The following APOO variants were observed in gnomAD, a reference collection of about 807,000 sequenced individuals.
APOO encodes MICOS complex subunit MIC26.
In APOO, 11 loss-of-function variants were observed where a neutral mutation model predicts 23.1. The observed-to-expected ratio is 0.48, with a 90% confidence interval of 0.30 to 0.79. The LOEUF (loss-of-function observed/expected upper bound fraction) is 0.79. APOO is among the 30% of genes least tolerant of loss of function. The probability of loss-of-function intolerance (pLI) is 0.07; values close to 1 mark genes in which losing one functional copy is unlikely to be tolerated. For synonymous variants in APOO, 59 were observed against 54.8 expected (o/e 1.08, Z -0.34); for missense variants, 160 against 142.7 (o/e 1.12, Z -0.62).
chrX:23,897,886 C>G (rs1027325145), intron 1 of APOO, among the ~76,000 whole-genome samples: 2 of 107,017 alleles, frequency 1.9e-5, no homozygotes, highest in African/African-American at 6.8e-5. Context: ...TCCCAGCTAC[C>G]CAGGAGGGTG....
At chrX:23,851,963 G>A (rs1176519055) in intron 7 of APOO, among the ~76,000 whole-genome samples, 1 of 111,577 alleles carries the variant, frequency 9.0e-6, no homozygotes, top group African/African-American at 3.3e-5. Flanking sequence ...TCGCTCTTTC[G>A]CCCAGGCTGG....
Position 23,841,486 on chromosome X carries a change from T to TAAA in APOO, c.562-1112_562-1110dup, listed in dbSNP as rs543879334. Among the ~76,000 whole-genome samples, 24 of 65,072 alleles carry TAAA rather than the reference T, an allele frequency of 3.7e-4. No individual in the cohort carries two copies. In the South Asian group the frequency reaches 0.011, roughly 30 times the overall value. The allele number at this position is 65,072 out of a possible 115,157, so 56.5% of individuals were successfully genotyped here. On this transcript the variant is annotated intron_variant, in intron 7 of 8. Coordinates refer to ENST00000379226, the MANE Select transcript of APOO (RefSeq NM_024122.5). ...CTTGGGCAACATAGAAAAAGAAGTT[T>TAAA]AAAAAAAAAAAAAAAAAAAAAAAGA...
At chrX:23,874,540 T>C (rs1265263529) in intron 3 of APOO, 83 bp from the exon 4 acceptor site, 8 of 812,667 alleles carry the variant, frequency 9.8e-6, no homozygotes, top group Non-Finnish European at 1.5e-5. Flanking sequence ...TACTTGTTTT[T>C]ACTGAATAAA....
intron 1 of APOO, among the ~76,000 whole-genome samples, chrX:23,887,229 CTTTTTTT>C (rs765596270): frequency 2.6e-4 from 14 of 54,229 alleles, no homozygotes; most frequent in South Asian, 3.9e-3. Flanking sequence ...TTCTTTTTCC[CTTTTTTT>C]TTTTTTTTTT....
In APOO at chrX:23,852,613, C is replaced by CA. The variant is rs63343560; in HGVS notation, c.561+3688dup. 4.6e-3 allele frequency among the ~76,000 whole-genome samples: 415 copies of CA among 90,594 alleles called. 2 individuals are homozygous for CA. Among genetic ancestry groups the CA allele is most frequent in the Non-Finnish European group, 7.4e-3 (329 of 44,479 alleles). 78.7% of individuals were successfully genotyped at this position (90,594 alleles called of 115,157 possible). ...TGGGCCACAGAGCGAGACTCTGTCT[C>CA]AAAAAAAAAAAAAATATGAATTAGA... On this transcript the variant is annotated intron_variant, in intron 7 of 8. Transcript: ENST00000379226.
At chrX:23,882,037 T>C (rs1327895241) in intron 1 of APOO, among the ~76,000 whole-genome samples, 1 of 109,347 alleles carries the variant, frequency 9.1e-6, no homozygotes, top group Non-Finnish European at 1.9e-5. Flanking sequence ...TCTCCTTAGG[T>C]TGTATCCTGG....
chrX:23,847,820 T>TATAC (rs1555956135), intron 7 of APOO, among the ~76,000 whole-genome samples: 153 of 102,285 alleles, frequency 1.5e-3, no homozygotes, highest in African/African-American at 5.2e-3. Context: ...TATATATATA[T>TATAC]ACACACACAC....
At chrX:23,862,640 G>A (rs1232148019) in intron 5 of APOO, among the ~76,000 whole-genome samples, 1 of 104,613 alleles carries the variant, frequency 9.6e-6, no homozygotes, top group Non-Finnish European at 2.0e-5. Flanking sequence ...AGGTGTGGTG[G>A]TGCATGCCTA....
chrX:23,856,215 T>C, intron 7 of APOO, 87 bp downstream of exon 7: 4 of 936,322 alleles, frequency 4.3e-6, no homozygotes, highest in Non-Finnish European at 6.0e-6. Context: ...AAGCAATAAA[T>C]CAACAGGGTT....
At position 23,862,776 on chromosome X, in the gene APOO, AAAGAAAAGAG is replaced by A. The variant is rs763808369; in HGVS notation, c.389-4053_389-4044del. On this transcript the variant is annotated intron_variant, in intron 5 of 8. Transcript: ENST00000379226. ...GTGACAGAGTGAGATCATCTCTCAGAAAGAAAAGAGAAGAGAAGAGAAGAGAAAGGGACGG... is the reference window on the plus strand; with the variant it reads ...GTGACAGAGTGAGATCATCTCTCAGAAAGAGAAGAGAAGAGAAAGGGACGG... Among the ~76,000 whole-genome samples the A allele has an allele frequency of 1.9e-3, 184 of 96,980 alleles. 2 individuals are homozygous for A. The highest frequency in any genetic ancestry group is 3.1e-3 in the Non-Finnish European group (152 of 48,665). 84.2% of individuals were successfully genotyped at this position (96,980 alleles called of 115,157 possible).
intron 1 of APOO, among the ~76,000 whole-genome samples, chrX:23,906,766 TC>T (rs748695076): frequency 2.7e-5 from 3 of 111,885 alleles, no homozygotes; most frequent in African/African-American, 6.5e-5. Flanking sequence ...TACCCCAACT[TC>T]ACCAAAGGAA....
At chrX:23,843,544 T>C in intron 7 of APOO, among the ~76,000 whole-genome samples, 1 of 110,502 alleles carries the variant, frequency 9.0e-6, no homozygotes, top group Admixed American at 9.8e-5. Context: ...CAGTTTTTAT[T>C]TTCTTACCAC....
At chrX:23,900,545 C>A (rs1423091079) in intron 1 of APOO, among the ~76,000 whole-genome samples, 2 of 109,640 alleles carry the variant, frequency 1.8e-5, no homozygotes, top group Non-Finnish European at 3.8e-5. Flanking sequence ...CGTGCTGGTG[C>A]ATGCCTGTAG....
In APOO at chrX:23,840,328, G is replaced by A. The variant is rs763001075; in HGVS notation, c.*14C>T. ...TGTTTTTTACCTGATTAAGATGGCAGAGCATGGAGTTTTCTACTTAGTTCC... is the reference window on the plus strand; with the variant it reads ...TGTTTTTTACCTGATTAAGATGGCAAAGCATGGAGTTTTCTACTTAGTTCC... On this transcript the variant is annotated 3_prime_UTR_variant, in exon 8 of 9. Transcript: ENST00000379226. The A allele has an allele frequency of 1.7e-6, 2 of 1,187,615 alleles. No individual in the cohort carries two copies. The highest frequency in any genetic ancestry group is 3.9e-5 in the South Asian group (2 of 51,658).
chrX:23,866,804 TA>T (rs1235752281), intron 5 of APOO, among the ~76,000 whole-genome samples: 6 of 90,270 alleles, frequency 6.6e-5, no homozygotes, highest in Non-Finnish European at 8.8e-5. Context: ...AGAAATCAAT[TA>T]AAAAAAAAAT....
intron 1 of APOO, among the ~76,000 whole-genome samples, chrX:23,893,214 G>A (rs1336740656): frequency 9.4e-6 from 1 of 106,004 alleles, no homozygotes; most frequent in Non-Finnish European, 1.9e-5. Flanking sequence ...TCAGGAGATC[G>A]AGACCATCTT....
At chrX:23,892,980 TA>T (rs1292388269) in intron 1 of APOO, among the ~76,000 whole-genome samples, 2 of 109,427 alleles carry the variant, frequency 1.8e-5, no homozygotes, top group Non-Finnish European at 3.8e-5. Context: ...CTTTTGAGAT[TA>T]TTCTTATTCT....
chrX:23,843,317 AAT>A (rs1569226299), intron 7 of APOO, among the ~76,000 whole-genome samples: 1 of 111,288 alleles, frequency 9.0e-6, no homozygotes, highest in Non-Finnish European at 1.9e-5. Flanking sequence ...AGCACAGTCC[AAT>A]ATCTCATTAA....
In APOO at chrX:23,867,144, G is replaced by T. The variant is rs111346804; in HGVS notation, c.388+1449C>A. On this transcript the variant is annotated intron_variant, in intron 5 of 8. Transcript: ENST00000379226. ...GAAACGAAACGAAACGAAACGAAAC[G>T]AAACTAAACTAAACTAAAGTAAAAG... is the stretch of plus-strand genomic sequence containing the variant. 5.9e-3 allele frequency among the ~76,000 whole-genome samples: 442 copies of T among 75,105 alleles called. 5 individuals are homozygous for T. The highest frequency in any genetic ancestry group is 0.019 in the African/African-American group (284 of 15,027). The allele number at this position is 75,105 out of a possible 115,157, so 65.2% of individuals were successfully genotyped here.
Sources: gnomAD v4.1 joint callset for allele counts (sites outside exome capture counted in the v4.1 genomes callset) on GRCh38, gnomAD v4.1.1 for gene constraint, MANE v1.5 for transcripts, NCBI Gene and HGNC (gene_info 2026-07-23, HGNC 2026-07-21) for gene names.